BORCS5: variants seen among roughly 807,000 people sequenced by gnomAD.
BORCS5 encodes the protein BLOC-1 related complex subunit 5, also known as BLOC-1-related complex subunit 5.
Under a neutral mutation model 22.1 loss-of-function variants are expected in BORCS5, and 17 were observed. The ratio of observed to expected loss-of-function variants is 0.77; its 90% CI spans 0.53 to 1.15. The LOEUF is 1.15. BORCS5 is among the 50% of genes most tolerant of loss of function. BORCS5 has a pLI of 0.00. For missense variants in BORCS5, 247 were observed against 253.2 expected (o/e 0.98, Z 0.17); for synonymous variants, 117 against 99.8 (o/e 1.17, Z -1.03).
chr12:12,374,137 G>A (rs190343983), intron 2 of BORCS5, among the ~76,000 whole-genome samples: 1 of 151,430 alleles, frequency 6.6e-6, no homozygotes, highest in Non-Finnish European at 1.5e-5. Flanking sequence ...ACAGGTGCCC[G>A]CCACCACGTC....
chr12:12,420,599 A>G lies in BORCS5; in HGVS notation c.203-15029A>G, dbSNP rs1238751687. ...CTGTGAAGAAAGTCATTGGTAGCTT[A>G]ATGGGGATGGCATTGAATCTATAAA... On this transcript the variant is annotated intron_variant, in intron 2 of 3. Coordinates refer to ENST00000314565, the MANE Select transcript of BORCS5 (RefSeq NM_058169.6). Among the ~76,000 whole-genome samples the G allele has an allele frequency of 6.6e-5, 10 of 152,298 alleles. No individual in the cohort carries two copies. In the East Asian group the frequency reaches 7.7e-4, roughly 12 times the overall value.
intron 2 of BORCS5, among the ~76,000 whole-genome samples, chr12:12,430,533 A>C (rs1291614477): frequency 6.6e-6 from 1 of 152,150 alleles, no homozygotes; most frequent in Non-Finnish European, 1.5e-5. Context: ...AGTAGGGGGC[A>C]CTTGGGATGG....
At chr12:12,406,114 A>G (rs1941589654) in intron 2 of BORCS5, among the ~76,000 whole-genome samples, 1 of 152,242 alleles carries the variant, frequency 6.6e-6, no homozygotes, top group African/African-American at 2.4e-5. Flanking sequence ...CAAGGAATGT[A>G]CTTCATGGAA....
rs1291926243 is a variant in BORCS5, at chr12:12,468,469, C to T, written c.*2693C>T. 1 of 152,250 alleles carries T rather than the reference C, an allele frequency of 6.6e-6. No homozygotes were observed. Among genetic ancestry groups the T allele is most frequent in the Non-Finnish European group, 1.5e-5 (1 of 68,072 alleles). 9.4% of individuals were successfully genotyped at this position (152,250 alleles called of 1,614,324 possible). A position where few individuals can be genotyped will look rare whatever the true frequency, so the allele number is the denominator to read the frequency against. On this transcript the variant is annotated 3_prime_UTR_variant, in exon 4 of 4. Coordinates refer to ENST00000314565, the MANE Select transcript of BORCS5 (RefSeq NM_058169.6). ...TTTCTAGCCTTAATCTTTGGCAAGC[C>T]ATTTCATTTCCCTGAGCCTCAGTTT...
chr12:12,421,598 A>C (rs576306098), intron 2 of BORCS5, among the ~76,000 whole-genome samples: 1 of 152,014 alleles, frequency 6.6e-6, no homozygotes, highest in East Asian at 1.9e-4. Flanking sequence ...CTCTTTTTCT[A>C]TTGATTGGAA....
chr12:12,403,761 G>A (rs1452811206), intron 2 of BORCS5, among the ~76,000 whole-genome samples: 5 of 152,134 alleles, frequency 3.3e-5, no homozygotes, highest in African/African-American at 4.8e-5. Flanking sequence ...GGTCACATGA[G>A]TATTCAGATA....
intron 2 of BORCS5, among the ~76,000 whole-genome samples, chr12:12,367,281 T>C (rs1340181390): frequency 6.6e-6 from 1 of 152,202 alleles, no homozygotes; most frequent in African/African-American, 2.4e-5. Context: ...ATAAAAGTCT[T>C]TGCATTCATC....
chr12:12,395,394 A>T (rs554004549), intron 2 of BORCS5, among the ~76,000 whole-genome samples: 45 of 151,278 alleles, frequency 3.0e-4, no homozygotes, highest in Non-Finnish European at 4.9e-4. Context: ...TCAGCCTCCC[A>T]AGTAGCTGGG....
chr12:12,438,385 A>AAAAAAAAAAAAAAAAAACAC lies in BORCS5; in HGVS notation c.360+2602_360+2603insAAAAAAAAAAAAAAACACAA, dbSNP rs1555156048. Among the ~76,000 whole-genome samples, 38 of 126,138 alleles carry AAAAAAAAAAAAAAAAAACAC rather than the reference A, an allele frequency of 3.0e-4. 2 individuals carry two copies. The highest frequency in any genetic ancestry group is 1.2e-3 in the African/African-American group (37 of 30,562). 82.8% of individuals were successfully genotyped at this position (126,138 alleles called of 152,430 possible). ...CAAAAAAAAAAAAAAAAAAAACGAA[A>AAAAAAAAAAAAAAAAAACAC]AACAACAACAAAAACCTCTAATCCA... is the stretch of plus-strand genomic sequence containing the variant. On this transcript the variant is annotated intron_variant, in intron 3 of 3. Transcript: ENST00000314565.
At chr12:12,404,261 C>T (rs1393923232) in intron 2 of BORCS5, among the ~76,000 whole-genome samples, 1 of 152,114 alleles carries the variant, frequency 6.6e-6, no homozygotes, top group Non-Finnish European at 1.5e-5. Context: ...AGCCAAGGCC[C>T]AAGGGAGCAC....
At chr12:12,374,239 C>T (rs1214788476) in intron 2 of BORCS5, among the ~76,000 whole-genome samples, 1 of 151,842 alleles carries the variant, frequency 6.6e-6, no homozygotes, top group Non-Finnish European at 1.5e-5. Flanking sequence ...GATCCGCCCG[C>T]CTCAGCCTCC....
intron 2 of BORCS5, among the ~76,000 whole-genome samples, chr12:12,400,062 T>C (rs1941432668): frequency 1.3e-5 from 2 of 152,376 alleles, no homozygotes; most frequent in Middle Eastern, 6.8e-3. Context: ...ATCTTTGTTG[T>C]CAGTCACTAC....
At chr12:12,398,468 G>A (rs1941399485) in intron 2 of BORCS5, among the ~76,000 whole-genome samples, 1 of 152,180 alleles carries the variant, frequency 6.6e-6, no homozygotes, top group Admixed American at 6.5e-5. Flanking sequence ...GTCAGAACAT[G>A]AGCTGATGAA....
intron 1 of BORCS5, among the ~76,000 whole-genome samples, chr12:12,359,948 G>A (rs1318363735): frequency 6.6e-6 from 1 of 151,264 alleles, no homozygotes; most frequent in Admixed American, 6.6e-5. Flanking sequence ...GAAATAGGGA[G>A]ATATATATAT....
intron 2 of BORCS5, among the ~76,000 whole-genome samples, chr12:12,399,651 C>A (rs1941424598): frequency 6.6e-6 from 1 of 152,116 alleles, no homozygotes; most frequent in Non-Finnish European, 1.5e-5. Flanking sequence ...AAAAGAAAAA[C>A]CCTCTGAGAT....
intron 2 of BORCS5, among the ~76,000 whole-genome samples, chr12:12,428,158 T>A (rs1186858094): frequency 6.6e-6 from 1 of 152,238 alleles, no homozygotes; most frequent in African/African-American, 2.4e-5. Flanking sequence ...TATCTAAGCC[T>A]CTCAGAGTTA....
At position 12,470,490 on chromosome 12, in the gene BORCS5, C is replaced by T. The variant is rs183354978; in HGVS notation, c.*4714C>T. 2.1e-4 allele frequency among the ~76,000 whole-genome samples: 32 copies of T among 152,220 alleles called. No homozygotes were observed. Among genetic ancestry groups the T allele is most frequent in the African/African-American group, 6.3e-4 (26 of 41,546 alleles). ...CGTGAACCCTATTGTGAACTGCGCA[C>T]GTGAAGGATCTAGGTTTTGCGCTCC... On this transcript the variant is annotated 3_prime_UTR_variant, in exon 4 of 4. Transcript: ENST00000314565.
At chr12:12,410,797 A>G (rs567370717) in intron 2 of BORCS5, among the ~76,000 whole-genome samples, 1 of 152,260 alleles carries the variant, frequency 6.6e-6, no homozygotes, top group African/African-American at 2.4e-5. Flanking sequence ...GATGGCATTG[A>G]ATCTATAAAT....
At chr12:12,439,241 T>A (rs1592129140) in intron 3 of BORCS5, among the ~76,000 whole-genome samples, 1 of 152,080 alleles carries the variant, frequency 6.6e-6, no homozygotes, top group Non-Finnish European at 1.5e-5. Context: ...GTTAGGGCGG[T>A]GGGATGTTGG....
Sources: allele counts gnomAD v4.1 joint callset (sites outside exome capture counted in the v4.1 genomes callset), GRCh38; gene constraint gnomAD v4.1.1; transcripts MANE v1.5; gene names NCBI Gene and HGNC (gene_info 2026-07-23, HGNC 2026-07-21).